Variants in LINGO2 observed in about 807,000 individuals in gnomAD.
LINGO2 encodes leucine-rich repeat and immunoglobulin-like domain-containing nogo receptor-interacting protein 2.
In LINGO2, 14 loss-of-function variants were observed where a neutral mutation model predicts 30.6. The ratio of observed to expected loss-of-function variants is 0.46; its 90% CI spans 0.30 to 0.72. The LOEUF is 0.72. LINGO2 is among the 30% of genes least tolerant of loss of function. The probability of loss-of-function intolerance (pLI) is 0.07; values close to 1 mark genes in which losing one functional copy is unlikely to be tolerated. For synonymous variants in LINGO2, 317 were observed against 288.5 expected (o/e 1.10, Z -1.00); for missense variants, 729 against 751.7 (o/e 0.97, Z 0.35).
chr9:28,413,441 G>A (rs998358174), intron 2 of LINGO2, among the ~76,000 whole-genome samples: 1 of 151,848 alleles, frequency 6.6e-6, no homozygotes, highest in Non-Finnish European at 1.5e-5. Context: ...ACATGCAAAC[G>A]TAATTAAAGA....
At chr9:28,734,230 C>T in the LINGO2 span, among the ~76,000 whole-genome samples, 4 of 152,238 alleles carry the variant, frequency 2.6e-5, no homozygotes, top group Admixed American at 6.5e-5. Flanking sequence ...GCTGATATCC[C>T]AGAAGGCTAA....
At chr9:28,879,704 A>G in the LINGO2 span, among the ~76,000 whole-genome samples, 6 of 152,190 alleles carry the variant, frequency 3.9e-5, no homozygotes, top group African/African-American at 1.4e-4. Context: ...CCCAGAGCTA[A>G]CATGCTAAGT....
chr9:28,162,104 A>G (rs1828303769), intron 4 of LINGO2, among the ~76,000 whole-genome samples: 1 of 152,142 alleles, frequency 6.6e-6, no homozygotes, highest in South Asian at 2.1e-4. Flanking sequence ...ATATATCCAT[A>G]TATTGCCTGC....
chr9:27,996,537 C>T (rs774484311), intron 5 of LINGO2, among the ~76,000 whole-genome samples: 7 of 152,004 alleles, frequency 4.6e-5, no homozygotes, highest in African/African-American at 9.7e-5. Context: ...CACAGAAAAA[C>T]AAATCTCTCA....
the LINGO2 span, among the ~76,000 whole-genome samples, chr9:28,732,989 G>T: frequency 2.0e-5 from 3 of 152,160 alleles, no homozygotes; most frequent in African/African-American, 7.2e-5. Context: ...CCAGACCCAT[G>T]AGCACATAGC....
rs142500908 is a variant in LINGO2, at chr9:28,104,927, C to T, written c.-86-92522G>A. 4.2e-3 allele frequency among the ~76,000 whole-genome samples: 641 copies of T among 152,106 alleles called. 6 individuals are homozygous for T. Among genetic ancestry groups the T allele is most frequent in the African/African-American group, 0.015 (605 of 41,514 alleles). Reference sequence around the variant, plus strand: ...ACCCACACACACACAAATGAATGTGCTAACAAGAGAGTTTCACTGCTGGGC... The same window carrying T: ...ACCCACACACACACAAATGAATGTGTTAACAAGAGAGTTTCACTGCTGGGC... On this transcript the variant is annotated intron_variant, in intron 4 of 5. Transcript: ENST00000379992.
the LINGO2 span, among the ~76,000 whole-genome samples, chr9:29,198,887 C>T: frequency 6.6e-6 from 1 of 152,016 alleles, no homozygotes; most frequent in East Asian, 1.9e-4. Context: ...TGTAACTGGA[C>T]GAAAATGCAT....
At chr9:29,132,987 T>C in the LINGO2 span, among the ~76,000 whole-genome samples, 1 of 152,136 alleles carries the variant, frequency 6.6e-6, no homozygotes, top group East Asian at 1.9e-4. Context: ...TCCCTAACAG[T>C]TGGGACTACA....
chr9:28,462,217 G>T, intron 2 of LINGO2, among the ~76,000 whole-genome samples: 1 of 151,940 alleles, frequency 6.6e-6, no homozygotes, highest in South Asian at 2.1e-4. Flanking sequence ...CAGTCATTTA[G>T]CTGCCATTAT....
At chr9:28,203,394 A>G (rs1022474282) in intron 4 of LINGO2, among the ~76,000 whole-genome samples, 15 of 152,198 alleles carry the variant, frequency 9.9e-5, no homozygotes, top group Non-Finnish European at 1.6e-4. Context: ...TGACAGTAAT[A>G]GCTGCAGTGC....
chr9:28,234,203 A>G (rs1821474483), intron 4 of LINGO2, among the ~76,000 whole-genome samples: 1 of 152,108 alleles, frequency 6.6e-6, no homozygotes, highest in Non-Finnish European at 1.5e-5. Context: ...AAAGGAGCCC[A>G]CTGCCCTGAA....
At chr9:28,537,870 TA>T (rs61437576) in intron 1 of LINGO2, among the ~76,000 whole-genome samples, 6,342 of 138,172 alleles carry the variant, frequency 0.046, 213 homozygotes, top group East Asian at 0.098. Context: ...AGTGTTAAAT[TA>T]AAAAAAAAAA....
At chr9:28,766,873 C>T in the LINGO2 span, among the ~76,000 whole-genome samples, 101 of 145,200 alleles carry the variant, frequency 7.0e-4, no homozygotes, top group African/African-American at 2.8e-3. Context: ...AGAGAGATAT[C>T]CTGCCATTTG....
chr9:28,189,299 GGAAGGGAGGAAGGA>G (rs1819672618), intron 4 of LINGO2, among the ~76,000 whole-genome samples: 4 of 63,296 alleles, frequency 6.3e-5, no homozygotes, highest in East Asian at 4.9e-4. Context: ...GAGGAAGGAA[GGAAGGGAGGAAGGA>G]AGGAAGGAAG....
At chr9:28,687,069 G>A in the LINGO2 span, among the ~76,000 whole-genome samples, 3 of 151,938 alleles carry the variant, frequency 2.0e-5, no homozygotes, top group South Asian at 6.2e-4. Flanking sequence ...AAATGCACCT[G>A]GACAAATAAA....
At position 28,148,132 on chromosome 9, in the gene LINGO2, C is replaced by G; in HGVS notation, c.-86-135727G>C. ...CTGCACCTGTGCCTGCCCGGGGAATCGTGGGCCGTTTCCCACTCCTCTTCA... is the reference window on the plus strand; with the variant it reads ...CTGCACCTGTGCCTGCCCGGGGAATGGTGGGCCGTTTCCCACTCCTCTTCA... On this transcript the variant is annotated intron_variant, in intron 4 of 5. Coordinates refer to ENST00000379992, the Ensembl canonical transcript of LINGO2. This position sits in a 1 kb window ranked among gnomAD's most constrained non-coding sequence, Gnocchi z 5.1. 1 of 1,064,210 alleles carries G rather than the reference C, an allele frequency of 9.4e-7. No individual in the cohort carries two copies. 65.9% of individuals were successfully genotyped at this position (1,064,210 alleles called of 1,614,324 possible).
chr9:28,589,606 T>A (rs989749954), intron 1 of LINGO2, among the ~76,000 whole-genome samples: 9 of 151,904 alleles, frequency 5.9e-5, no homozygotes, highest in Admixed American at 2.0e-4. Flanking sequence ...GATGTGAAGG[T>A]TCTCTTCAAA....
At chr9:28,472,286 ATTAC>A (rs1411090334) in intron 2 of LINGO2, among the ~76,000 whole-genome samples, 1 of 151,716 alleles carries the variant, frequency 6.6e-6, no homozygotes, top group Non-Finnish European at 1.5e-5. Flanking sequence ...AAAATAAAAA[ATTAC>A]TTCTTATTCC....
the LINGO2 span, among the ~76,000 whole-genome samples, chr9:29,118,741 G>A: frequency 6.6e-5 from 10 of 152,056 alleles, no homozygotes; most frequent in East Asian, 9.7e-4. Context: ...AGTCATGCTC[G>A]CTACCTCTCC....
Sources: allele counts gnomAD v4.1 joint callset (sites outside exome capture counted in the v4.1 genomes callset), GRCh38; gene constraint gnomAD v4.1.1; non-coding constraint Gnocchi (gnomAD v3.1); transcripts MANE v1.5; gene names NCBI Gene and HGNC (gene_info 2026-07-23, HGNC 2026-07-21).